The following MOV10L1 variants were observed in gnomAD, a reference collection of about 807,000 sequenced individuals.
MOV10L1 encodes Mov10 like RNA helicase 1.
Under a neutral mutation model 143.8 loss-of-function variants are expected in MOV10L1, and 110 were observed. The observed-to-expected ratio is 0.76, with a 90% confidence interval of 0.66 to 0.90. The LOEUF is 0.90. MOV10L1 is among the 40% of genes least tolerant of loss of function. The pLI, the probability that MOV10L1 is intolerant of heterozygous loss-of-function variation, is 0.00. For synonymous variants in MOV10L1, 593 were observed against 581.1 expected, an observed-to-expected ratio of 1.02 and a Z score of -0.29; for missense variants, 1,406 against 1,526.8, an observed-to-expected ratio of 0.92 and a Z score of 1.32.
At chr22:50,144,792 A>G (rs538832252) in intron 18 of MOV10L1, among the ~76,000 whole-genome samples, 109 of 152,140 alleles carry the variant, frequency 7.2e-4, no homozygotes, top group East Asian at 2.7e-3. Context: ...CGTGTTAGCC[A>G]GGATGGTCTC....
intron 19 of MOV10L1, among the ~76,000 whole-genome samples, chr22:50,146,711 G>T (rs930756637): frequency 2.6e-5 from 4 of 151,836 alleles, no homozygotes; most frequent in Non-Finnish European, 4.4e-5. Context: ...GTGGTCGTGA[G>T]GGTGACCACA....
At chr22:50,126,341 C>A in intron 12 of MOV10L1, 69 bp downstream of exon 12, 1 of 1,167,382 alleles carries the variant, frequency 8.6e-7, no homozygotes, top group Non-Finnish European at 1.3e-6. Flanking sequence ...AGGTAACGTT[C>A]TCCCCACGGC....
At chr22:50,116,156 G>A (rs1232155966) in intron 8 of MOV10L1, among the ~76,000 whole-genome samples, 1 of 150,700 alleles carries the variant, frequency 6.6e-6, no homozygotes, top group Non-Finnish European at 1.5e-5. Context: ...GGTGGCAAGT[G>A]CACAGTCAGC....
At chr22:50,128,394 A>C in intron 12 of MOV10L1, 22 bp from the exon 13 acceptor site, 1 of 1,216,164 alleles carries the variant, frequency 8.2e-7, no homozygotes, top group Non-Finnish European at 1.2e-6. Flanking sequence ...GAAATCAGGT[A>C]TATTGTTTGT....
chr22:50,137,115 A>G (rs1233142004), intron 15 of MOV10L1, among the ~76,000 whole-genome samples: 1 of 152,242 alleles, frequency 6.6e-6, no homozygotes, highest in African/African-American at 2.4e-5. Context: ...CCAGCAAGGT[A>G]TAAAATGGAC....
At chr22:50,153,726 G>A (rs1225619141) in intron 22 of MOV10L1, among the ~76,000 whole-genome samples, 5 of 152,232 alleles carry the variant, frequency 3.3e-5, no homozygotes, top group Admixed American at 2.6e-4. Context: ...GCCTCGCAGA[G>A]GGACAGAGTT....
At chr22:50,091,952 G>A (rs190743847) in intron 1 of MOV10L1, 49 bp from the exon 2 acceptor site, 51 of 1,570,856 alleles carry the variant, frequency 3.2e-5, no homozygotes, top group Non-Finnish European at 4.1e-5. Context: ...TCACTGTAGC[G>A]TACGCTTGCT....
At chr22:50,116,435 A>T (rs2062178259) in intron 8 of MOV10L1, among the ~76,000 whole-genome samples, 1 of 144,568 alleles carries the variant, frequency 6.9e-6, no homozygotes, top group Admixed American at 7.2e-5. Flanking sequence ...TGACAGAGCG[A>T]GACTCCGTCT....
chr22:50,145,357 G>A (rs1267504046), intron 18 of MOV10L1, among the ~76,000 whole-genome samples: 1 of 152,214 alleles, frequency 6.6e-6, no homozygotes, highest in African/African-American at 2.4e-5. Flanking sequence ...GGGAGGCAGA[G>A]GTTGCAGTGA....
chr22:50,150,625 G>A (rs935414153), intron 20 of MOV10L1, 110 bp from the exon 21 acceptor site: 23 of 1,268,666 alleles, frequency 1.8e-5, no homozygotes, highest in South Asian at 1.4e-4. Flanking sequence ...GTCCCCTGCA[G>A]CAAGAGTGAG....
intron 19 of MOV10L1, 139 bp from the exon 20 acceptor site, chr22:50,149,476 C>CAGACTT (rs1420984541): frequency 1.7e-5 from 12 of 715,112 alleles, no homozygotes; most frequent in Non-Finnish European, 2.6e-5. Flanking sequence ...GGGTGACACC[C>CAGACTT]AGACCCCCAG....
intron 18 of MOV10L1, 39 bp downstream of exon 18, chr22:50,144,282 C>G: frequency 6.4e-7 from 1 of 1,566,510 alleles, no homozygotes; most frequent in Non-Finnish European, 8.7e-7. Flanking sequence ...CACCAGAACC[C>G]CTCCCTGGAA....
At chr22:50,133,506 CT>C (rs36106482) in intron 13 of MOV10L1, among the ~76,000 whole-genome samples, 39,349 of 144,078 alleles carry the variant, frequency 0.27, 5,453 homozygotes, top group South Asian at 0.39. Context: ...TTGTCCCATG[CT>C]TTTTTTTTTG....
chr22:50,112,708 T>A (rs2062056129), intron 5 of MOV10L1, among the ~76,000 whole-genome samples: 1 of 152,140 alleles, frequency 6.6e-6, no homozygotes, highest in Admixed American at 6.5e-5. Context: ...TAGAAACAGA[T>A]CATGTGCCAA....
intron 20 of MOV10L1, among the ~76,000 whole-genome samples, chr22:50,149,958 C>A (rs1283398373): frequency 1.3e-5 from 2 of 152,172 alleles, no homozygotes; most frequent in African/African-American, 4.8e-5. Flanking sequence ...GGGGATACAG[C>A]GGTAAAGTCA....
At chr22:50,143,949 T>G in intron 17 of MOV10L1, 148 bp from the exon 18 acceptor site, 1 of 1,007,380 alleles carries the variant, frequency 9.9e-7, no homozygotes. Flanking sequence ...GGCAGAGTCG[T>G]GGCCCAGGTC....
chr22:50,105,868 C>T lies in MOV10L1; in HGVS notation c.443-2268C>T, dbSNP rs371219999. ...ACAGGAGTTGTGCATGTATGTATGTCATAGAAGTTCAGGAACTTGTACGTG... is the reference window on the plus strand; with the variant it reads ...ACAGGAGTTGTGCATGTATGTATGTTATAGAAGTTCAGGAACTTGTACGTG... On this transcript the variant is annotated intron_variant, in intron 3 of 26. Coordinates refer to ENST00000262794, the MANE Select transcript of MOV10L1 (RefSeq NM_018995.3). Among the ~76,000 whole-genome samples, 31 of 152,264 alleles carry T rather than the reference C, an allele frequency of 2.0e-4. 1 individual carries two copies. The East Asian group carries it at 4.8e-3, about 24-fold the overall frequency.
chr22:50,110,216 G>A (rs913438820), intron 5 of MOV10L1, among the ~76,000 whole-genome samples: 1 of 151,956 alleles, frequency 6.6e-6, no homozygotes, highest in Non-Finnish European at 1.5e-5. Flanking sequence ...TTGGGAGGCC[G>A]AGGTGGGTGG....
At position 50,159,525 on chromosome 22, in the gene MOV10L1, C is replaced by T. The variant is rs952400719; in HGVS notation, c.3217-153C>T. On this transcript the variant is annotated intron_variant, in intron 23 of 26. Coordinates refer to ENST00000262794, the MANE Select transcript of MOV10L1 (RefSeq NM_018995.3). This position sits in a 1 kb window ranked among gnomAD's most constrained non-coding sequence, Gnocchi z 4.1. ...GCTGAGGCAGGAGAATTGCTTGAAC[C>T]CGGGAGGCAGAGGTTGCAGTGAGCC... Among the ~76,000 whole-genome samples the T allele has an allele frequency of 4.0e-5, 6 of 151,892 alleles. No individual in the cohort carries two copies. The highest frequency in any genetic ancestry group is 1.5e-5 in the Non-Finnish European group (1 of 67,964).
Sources: allele counts gnomAD v4.1 joint callset (sites outside exome capture counted in the v4.1 genomes callset), GRCh38; gene constraint gnomAD v4.1.1; non-coding constraint Gnocchi (gnomAD v3.1); transcripts MANE v1.5; gene names NCBI Gene and HGNC (gene_info 2026-07-23, HGNC 2026-07-21).